CDH10: variants seen among roughly 807,000 people sequenced by gnomAD.
CDH10 encodes the protein cadherin-10.
CDH10 carries 30 observed loss-of-function variants against 73.1 expected under a neutral mutation model. The observed-to-expected ratio is 0.41, with a 90% CI of 0.31 to 0.56. The LOEUF is 0.56. Ranked by LOEUF, CDH10 falls within the 20% of genes least tolerant of loss-of-function variation. CDH10 has a pLI of 0.27. For missense variants in CDH10, 815 were observed against 973.7 expected (o/e 0.84, Z 2.17); for synonymous variants, 345 against 348.2 (o/e 0.99, Z 0.10).
chr5:24,625,471 A>G (rs1012638533), intron 1 of CDH10, among the ~76,000 whole-genome samples: 43 of 150,966 alleles, frequency 2.8e-4, no homozygotes, highest in African/African-American at 1.0e-3. Flanking sequence ...CTGAACACAC[A>G]TTTTTCTCAA....
intron 8 of CDH10, among the ~76,000 whole-genome samples, chr5:24,504,559 T>A (rs13173389): frequency 1.6e-5 from 2 of 127,208 alleles, no homozygotes; most frequent in Non-Finnish European, 1.6e-5. Context: ...GGAATCTCGC[T>A]CTGTCGCCCG....
intron 9 of CDH10, 81 bp downstream of exon 9, chr5:24,498,317 C>G (rs1742365437): frequency 2.3e-6 from 2 of 872,286 alleles, no homozygotes; most frequent in Non-Finnish European, 3.6e-6. Context: ...TCTGTGTATT[C>G]TTTCCTCTCA....
intron 2 of CDH10, among the ~76,000 whole-genome samples, chr5:24,570,989 G>A (rs1201035564): frequency 6.6e-6 from 1 of 152,050 alleles, no homozygotes; most frequent in Non-Finnish European, 1.5e-5. Context: ...TGTTCCTGAT[G>A]ACGTGTTTTA....
chr5:24,531,975 G>A (rs1235973910), intron 5 of CDH10, among the ~76,000 whole-genome samples: 1 of 152,042 alleles, frequency 6.6e-6, no homozygotes, highest in Non-Finnish European at 1.5e-5. Flanking sequence ...TTAGATTCCA[G>A]TAGTACTTGG....
At chr5:24,542,049 A>G (rs575236062) in intron 2 of CDH10, among the ~76,000 whole-genome samples, 2 of 152,312 alleles carry the variant, frequency 1.3e-5, no homozygotes, top group African/African-American at 4.8e-5. Flanking sequence ...AAATTTTTCA[A>G]TGAATGCCTG....
At chr5:24,566,245 A>C (rs1293204547) in intron 2 of CDH10, among the ~76,000 whole-genome samples, 10 of 151,954 alleles carry the variant, frequency 6.6e-5, no homozygotes, top group Non-Finnish European at 1.3e-4. Flanking sequence ...GCAGGATTTC[A>C]CCATGTTGGC....
intron 1 of CDH10, among the ~76,000 whole-genome samples, chr5:24,635,994 T>C (rs1377353804): frequency 6.6e-6 from 1 of 151,892 alleles, no homozygotes; most frequent in Non-Finnish European, 1.5e-5. Flanking sequence ...TTAAAATATT[T>C]AAATATTTTA....
chr5:24,558,031 A>G (rs1744825368), intron 2 of CDH10, among the ~76,000 whole-genome samples: 1 of 151,848 alleles, frequency 6.6e-6, no homozygotes, highest in South Asian at 2.1e-4. Flanking sequence ...TTTGACTATT[A>G]GAATTCCAAG....
chr5:24,503,339 T>C (rs1279098090), intron 8 of CDH10, among the ~76,000 whole-genome samples: 2 of 152,224 alleles, frequency 1.3e-5, no homozygotes, highest in Non-Finnish European at 2.9e-5. Flanking sequence ...AGAGTTGCTC[T>C]ACACCACATA....
intron 2 of CDH10, among the ~76,000 whole-genome samples, chr5:24,581,093 T>G (rs1579838547): frequency 1.3e-5 from 2 of 152,152 alleles, no homozygotes; most frequent in East Asian, 3.9e-4. Context: ...GATTAGGGTG[T>G]GGCCATCCTT....
chr5:24,527,712 C>G (rs778256449), intron 5 of CDH10, among the ~76,000 whole-genome samples: 1 of 151,816 alleles, frequency 6.6e-6, no homozygotes, highest in African/African-American at 2.4e-5. Flanking sequence ...TCTAATCTTA[C>G]GAGACCACCA....
chr5:24,636,855 T>C (rs993016129), intron 1 of CDH10, among the ~76,000 whole-genome samples: 1 of 151,842 alleles, frequency 6.6e-6, no homozygotes, highest in Non-Finnish European at 1.5e-5. Context: ...TGTTGCAAAT[T>C]TGAAGTGCAC....
intron 1 of CDH10, among the ~76,000 whole-genome samples, chr5:24,601,232 T>A (rs535861384): frequency 1.3e-5 from 2 of 152,148 alleles, no homozygotes; most frequent in Admixed American, 6.6e-5. Context: ...CATGGACTTT[T>A]GTATCCAGCT....
At chr5:24,561,349 CAAAT>C (rs551878340) in intron 2 of CDH10, among the ~76,000 whole-genome samples, 238 of 151,974 alleles carry the variant, frequency 1.6e-3, no homozygotes, top group Non-Finnish European at 2.8e-3. Flanking sequence ...ATAATCAAGA[CAAAT>C]AAAATTAAAA....
intron 2 of CDH10, among the ~76,000 whole-genome samples, chr5:24,576,045 C>T (rs980174616): frequency 1.3e-4 from 20 of 152,082 alleles, no homozygotes; most frequent in Non-Finnish European, 2.4e-4. Context: ...TCCTGCATAT[C>T]GGTTTCCTAC....
intron 5 of CDH10, among the ~76,000 whole-genome samples, chr5:24,532,088 A>C (rs897937767): frequency 3.3e-5 from 5 of 152,070 alleles, no homozygotes; most frequent in Non-Finnish European, 1.5e-5. Flanking sequence ...TTATAAATCC[A>C]CACAATAAAA....
chr5:24,590,725 A>C (rs1042986990), intron 2 of CDH10, among the ~76,000 whole-genome samples: 15 of 152,026 alleles, frequency 9.9e-5, no homozygotes, highest in African/African-American at 3.6e-4. Flanking sequence ...CTTCTGCTCC[A>C]CACAGGTGCT....
At chr5:24,502,318 T>A (rs189826906) in intron 8 of CDH10, among the ~76,000 whole-genome samples, 1 of 152,186 alleles carries the variant, frequency 6.6e-6, no homozygotes, top group African/African-American at 2.4e-5. Context: ...GCCTGCCATA[T>A]GATGTGATAT....
intron 2 of CDH10, among the ~76,000 whole-genome samples, chr5:24,543,900 T>C (rs1041708462): frequency 1.2e-4 from 18 of 152,172 alleles, no homozygotes; most frequent in African/African-American, 4.1e-4. Flanking sequence ...GCTGGCAATA[T>C]AGTCCTCCAA....
Sources: gnomAD v4.1 joint callset for allele counts (sites outside exome capture counted in the v4.1 genomes callset) on GRCh38, gnomAD v4.1.1 for gene constraint, MANE v1.5 for transcripts, NCBI Gene and HGNC (gene_info 2026-07-23, HGNC 2026-07-21) for gene names.